WIPF1: variants seen among roughly 807,000 people sequenced by gnomAD.
WIPF1 encodes the protein WAS/WASL-interacting protein family member 1.
Under a neutral mutation model 35.4 loss-of-function variants are expected in WIPF1, and 13 were observed. The ratio of observed to expected loss-of-function variants is 0.37; its 90% confidence interval spans 0.24 to 0.58. The LOEUF is 0.58. Ranked by LOEUF, WIPF1 falls within the 20% of genes least tolerant of loss-of-function variation. The pLI is 0.74. For missense variants in WIPF1, 591 were observed against 667.0 expected, an observed-to-expected ratio of 0.89 and a Z score of 1.25; for synonymous variants, 267 against 266.3, an observed-to-expected ratio of 1.00 and a Z score of -0.02.
chr2:174,603,849 C>A (rs927142946), intron 1 of WIPF1, among the ~76,000 whole-genome samples: 2 of 152,128 alleles, frequency 1.3e-5, no homozygotes, highest in Non-Finnish European at 2.9e-5. Flanking sequence ...CAATTCCAAA[C>A]ACCAGAATCC....
chr2:174,588,946 C>G (rs2105850372), intron 1 of WIPF1, among the ~76,000 whole-genome samples: 1 of 152,340 alleles, frequency 6.6e-6, no homozygotes, highest in South Asian at 2.1e-4. Context: ...TCCAGATTAA[C>G]TGTCCCTTTC....
At chr2:174,633,979 A>G (rs1215409343) in intron 1 of WIPF1, among the ~76,000 whole-genome samples, 2 of 152,236 alleles carry the variant, frequency 1.3e-5, no homozygotes, top group Admixed American at 6.5e-5. Context: ...AAAAAATAAA[A>G]AAAGGAAACT....
At position 174,667,233 on chromosome 2, in the gene WIPF1, C is replaced by T. The variant is rs938456856; in HGVS notation, c.-39+15541G>A. On this transcript the variant is annotated intron_variant, in intron 1 of 8. Coordinates refer to the WIPF1 transcript ENST00000272746. Reference sequence around the variant, plus strand: ...CCACCCTCGAACAGTCTACCAAGTACGGCACCCTCTTCCTGGGACTGGTCG... The same window carrying T: ...CCACCCTCGAACAGTCTACCAAGTATGGCACCCTCTTCCTGGGACTGGTCG... Among the ~76,000 whole-genome samples the T allele has an allele frequency of 1.1e-4, 17 of 152,316 alleles. No individual in the cohort carries two copies. The South Asian group carries it at 1.2e-3, about 11-fold the overall frequency.
intron 1 of WIPF1, among the ~76,000 whole-genome samples, chr2:174,591,489 T>C (rs556288723): frequency 2.0e-5 from 3 of 152,272 alleles, no homozygotes; most frequent in South Asian, 4.1e-4. Flanking sequence ...CTGCCAAAGG[T>C]TTATTTAATA....
In WIPF1 at chr2:174,572,067, GAAGGGCGAGGAGGAGCTC is replaced by G; in HGVS notation, c.720_737del (p.Leu240_Pro245del). 1 of 1,556,210 alleles carries G rather than the reference GAAGGGCGAGGAGGAGCTC, an allele frequency of 6.4e-7. No individual in the cohort carries two copies. The highest frequency in any genetic ancestry group is 1.2e-5 in the South Asian group (1 of 80,876). Reference sequence around the variant, plus strand: ...TAGGCGGCAGGGGAGGCCGGTTGGAGAAGGGCGAGGAGGAGCTCAAGGGGGACTGACGTATTGAGCCTC... The same window carrying G: ...TAGGCGGCAGGGGAGGCCGGTTGGAGAAGGGGGACTGACGTATTGAGCCTC... On this transcript the variant is annotated inframe_deletion, in exon 5 of 8. Transcript: ENST00000679041.
chr2:174,600,366 C>G (rs1042204239), upstream of WIPF1, among the ~76,000 whole-genome samples: 1 of 152,166 alleles, frequency 6.6e-6, no homozygotes, highest in Non-Finnish European at 1.5e-5. Flanking sequence ...CTGCTTAAAA[C>G]CCTCCAATGA....
intron 1 of WIPF1, among the ~76,000 whole-genome samples, chr2:174,616,980 AT>A (rs951645904): frequency 6.6e-5 from 10 of 150,876 alleles, no homozygotes; most frequent in African/African-American, 2.0e-4. Flanking sequence ...TTTTTTTTTC[AT>A]TTTTTTTAAT....
In WIPF1 at chr2:174,562,425, C is replaced by T; in HGVS notation, c.*122G>A. The stretch of plus-strand genomic sequence containing the variant: ...CCCACACACGCATATTCCCACTCCC[C>T]CTCCCACCTTTCCTCCTGCCCATAC... On this transcript the variant is annotated 3_prime_UTR_variant, in exon 8 of 8. Transcript: ENST00000679041. 1 of 1,555,436 alleles carries T rather than the reference C, an allele frequency of 6.4e-7. No individual in the cohort carries two copies. The highest frequency in any genetic ancestry group is 8.7e-7 in the Non-Finnish European group (1 of 1,148,436).
intron 5 of WIPF1, among the ~76,000 whole-genome samples, chr2:174,569,355 C>T (rs1684761445): frequency 6.6e-6 from 1 of 152,112 alleles, no homozygotes; most frequent in South Asian, 2.1e-4. Context: ...ACCCTATCTG[C>T]TTGTCATTGC....
At chr2:174,595,801 T>G (rs1685804648) in intron 1 of WIPF1, among the ~76,000 whole-genome samples, 1 of 152,230 alleles carries the variant, frequency 6.6e-6, no homozygotes, top group Non-Finnish European at 1.5e-5. Flanking sequence ...GTTTTAATTT[T>G]CAGGACAGAC....
In WIPF1 at chr2:174,562,417, C is replaced by G; in HGVS notation, c.*130G>C. On this transcript the variant is annotated 3_prime_UTR_variant, in exon 8 of 8. Transcript: ENST00000679041. Reference sequence around the variant, plus strand: ...GATTCCCACCCACACACGCATATTCCCACTCCCCCTCCCACCTTTCCTCCT... The same window carrying G: ...GATTCCCACCCACACACGCATATTCGCACTCCCCCTCCCACCTTTCCTCCT... The G allele has an allele frequency of 6.5e-7, 1 of 1,541,078 alleles. No homozygotes were observed. The highest frequency in any genetic ancestry group is 8.8e-7 in the Non-Finnish European group (1 of 1,141,344).
At chr2:174,610,373 T>C (rs774033721) in intron 1 of WIPF1, among the ~76,000 whole-genome samples, 6 of 152,218 alleles carry the variant, frequency 3.9e-5, no homozygotes, top group Non-Finnish European at 7.3e-5. Context: ...CATTTCATTC[T>C]GTTTCAGATC....
At chr2:174,604,090 G>A (rs1686084874) in intron 1 of WIPF1, among the ~76,000 whole-genome samples, 1 of 152,152 alleles carries the variant, frequency 6.6e-6, no homozygotes, top group Admixed American at 6.5e-5. Flanking sequence ...AGTAGCACAG[G>A]TATAGAAGTT....
chr2:174,658,706 T>C (rs1687695782), intron 1 of WIPF1, among the ~76,000 whole-genome samples: 1 of 151,604 alleles, frequency 6.6e-6, no homozygotes, highest in South Asian at 2.1e-4. Context: ...TTAGAGAAAG[T>C]GCAGGGTTGT....
chr2:174,589,547 C>T (rs891235087), intron 1 of WIPF1, among the ~76,000 whole-genome samples: 8 of 152,200 alleles, frequency 5.3e-5, no homozygotes, highest in African/African-American at 1.4e-4. Flanking sequence ...CCCTAGAGCA[C>T]GGATCCTAAC....
At chr2:174,578,479 A>G (rs1019141136) in intron 3 of WIPF1, among the ~76,000 whole-genome samples, 7 of 152,220 alleles carry the variant, frequency 4.6e-5, no homozygotes, top group African/African-American at 1.7e-4. Flanking sequence ...TAAAGTTTTT[A>G]TCTTTTCCCT....
chr2:174,629,785 G>T (rs919306646), intron 1 of WIPF1: 1 of 152,152 alleles, frequency 6.6e-6, no homozygotes, highest in Non-Finnish European at 1.5e-5. Context: ...CCCTCTATTG[G>T]CCCCGCACCC....
chr2:174,679,395 G>A (rs1446678473), intron 1 of WIPF1, among the ~76,000 whole-genome samples: 1 of 151,888 alleles, frequency 6.6e-6, no homozygotes, highest in Non-Finnish European at 1.5e-5. Context: ...TTGAGCCTGG[G>A]AGGCAGAGGT....
At chr2:174,642,138 C>T (rs549797453) in intron 1 of WIPF1, among the ~76,000 whole-genome samples, 73 of 152,254 alleles carry the variant, frequency 4.8e-4, no homozygotes, top group Non-Finnish European at 6.6e-4. Flanking sequence ...TCTGCACATG[C>T]CTTTCACTTC....
Sources: allele counts gnomAD v4.1 joint callset (sites outside exome capture counted in the v4.1 genomes callset), GRCh38; gene constraint gnomAD v4.1.1; transcripts MANE v1.5; gene names NCBI Gene and HGNC (gene_info 2026-07-23, HGNC 2026-07-21).